Variants in SAMMSON observed in about 807,000 individuals in gnomAD.
The protein encoded by SAMMSON is survival associated mitochondrial melanoma specific oncogenic non-coding RNA, also known as long intergenic non-protein coding RNA 1212.
At chr3:70,216,044 T>C (rs1017625772) in intron 4 of SAMMSON, among the ~76,000 whole-genome samples, 1 of 152,078 alleles carries the variant, frequency 6.6e-6, no homozygotes, top group Non-Finnish European at 1.5e-5. Context: ...TACAAATAAA[T>C]TAAAATCTAT....
At chr3:70,017,118 G>A (rs2066989446) in intron 3 of SAMMSON, among the ~76,000 whole-genome samples, 1 of 152,130 alleles carries the variant, frequency 6.6e-6, no homozygotes, top group Admixed American at 6.5e-5. Flanking sequence ...TTCCAATTCT[G>A]TGAAGAAAGT....
intron 4 of SAMMSON, among the ~76,000 whole-genome samples, chr3:70,176,213 A>G (rs1228184709): frequency 6.6e-6 from 1 of 152,106 alleles, no homozygotes; most frequent in Non-Finnish European, 1.5e-5. Flanking sequence ...AGTGCTGAGG[A>G]CTAGGGGAAC....
In SAMMSON at chr3:70,346,827, T is replaced by C. The variant is rs531953930; in HGVS notation, n.740-7348T>C. The stretch of plus-strand genomic sequence containing the variant: ...AAATGTAATGTTAGTATTTTATATA[T>C]AATTGTAATCCAGTCTTAGAAAATT... On this transcript the variant is annotated intron_variant and non_coding_transcript_variant, in intron 7 of 9. Coordinates refer to ENST00000642114, the Ensembl canonical transcript of SAMMSON. Among the ~76,000 whole-genome samples, 3 of 152,330 alleles carry C rather than the reference T, an allele frequency of 2.0e-5. 1 individual carries two copies. The highest frequency in any genetic ancestry group is 7.2e-5 in the African/African-American group (3 of 41,590).
At chr3:70,304,477 C>T (rs1187730707) in intron 7 of SAMMSON, among the ~76,000 whole-genome samples, 2 of 152,154 alleles carry the variant, frequency 1.3e-5, no homozygotes, top group Non-Finnish European at 2.9e-5. Flanking sequence ...TTGGCTCCTC[C>T]CTTTTCTAGC....
At chr3:70,089,741 T>C (rs1403937893) in intron 4 of SAMMSON, among the ~76,000 whole-genome samples, 3 of 152,148 alleles carry the variant, frequency 2.0e-5, no homozygotes, top group Admixed American at 2.0e-4. Flanking sequence ...TTTCAAAAAA[T>C]ATAGTTATTC....
At chr3:70,029,350 C>G (rs551313678) in intron 3 of SAMMSON, among the ~76,000 whole-genome samples, 5 of 152,092 alleles carry the variant, frequency 3.3e-5, no homozygotes, top group African/African-American at 1.2e-4. Context: ...AATGTGGAAC[C>G]TTTTCTTAGT....
At chr3:70,252,901 G>A (rs1701782620) in intron 6 of SAMMSON, among the ~76,000 whole-genome samples, 10 of 151,946 alleles carry the variant, frequency 6.6e-5, no homozygotes, top group Admixed American at 6.6e-4. Context: ...CCAACATCGT[G>A]AAACCCCCTC....
intron 3 of SAMMSON, among the ~76,000 whole-genome samples, chr3:70,016,630 C>G (rs1451299727): frequency 6.6e-6 from 1 of 152,072 alleles, no homozygotes; most frequent in Non-Finnish European, 1.5e-5. Context: ...GTTGCCATTG[C>G]TTTTGGTGTT....
intron 4 of SAMMSON, among the ~76,000 whole-genome samples, chr3:70,219,593 G>C (rs1350771799): frequency 1.3e-5 from 2 of 152,020 alleles, no homozygotes; most frequent in Admixed American, 6.6e-5. Context: ...AAACAAATTG[G>C]GATGAAAAAC....
chr3:70,288,958 C>A (rs1294728772), intron 6 of SAMMSON, among the ~76,000 whole-genome samples: 1 of 152,036 alleles, frequency 6.6e-6, no homozygotes, highest in Non-Finnish European at 1.5e-5. Flanking sequence ...TGTGTCTCTG[C>A]ACGTGAGATG....
chr3:70,171,731 C>T (rs1700959221), intron 4 of SAMMSON, among the ~76,000 whole-genome samples: 1 of 151,824 alleles, frequency 6.6e-6, no homozygotes, highest in African/African-American at 2.4e-5. Flanking sequence ...AATTTATTCT[C>T]GTGTCCTTTA....
At chr3:70,001,792 C>T (rs1362412449) in intron 1 of SAMMSON, among the ~76,000 whole-genome samples, 1 of 152,156 alleles carries the variant, frequency 6.6e-6, no homozygotes, top group Non-Finnish European at 1.5e-5. Flanking sequence ...CAGAGTTACT[C>T]AGGATCAGAA....
At chr3:70,379,264 G>A (rs1703045355) in intron 9 of SAMMSON, among the ~76,000 whole-genome samples, 1 of 152,118 alleles carries the variant, frequency 6.6e-6, no homozygotes, top group African/African-American at 2.4e-5. Flanking sequence ...CGTCTGCCTC[G>A]GCCTCCCGAA....
chr3:70,114,572 C>G (rs897650289), intron 4 of SAMMSON, among the ~76,000 whole-genome samples: 7 of 152,200 alleles, frequency 4.6e-5, no homozygotes, highest in African/African-American at 1.7e-4. Context: ...TTTAGTTTTA[C>G]ACAACAGTGC....
chr3:70,279,095 A>C (rs960965443), intron 6 of SAMMSON, among the ~76,000 whole-genome samples: 1 of 149,724 alleles, frequency 6.7e-6, no homozygotes, highest in Non-Finnish European at 1.5e-5. Context: ...CTGACTTCCA[A>C]ATGACATACT....
At chr3:70,112,310 G>A (rs568877378) in intron 4 of SAMMSON, among the ~76,000 whole-genome samples, 2 of 152,088 alleles carry the variant, frequency 1.3e-5, no homozygotes, top group Non-Finnish European at 2.9e-5. Flanking sequence ...AACTATCAAT[G>A]TACAATTACG....
chr3:70,015,980 T>C (rs2066983298), intron 3 of SAMMSON, among the ~76,000 whole-genome samples: 1 of 152,232 alleles, frequency 6.6e-6, no homozygotes, highest in South Asian at 2.1e-4. Context: ...ACATTTGGGT[T>C]GGTTGCAAGT....
At chr3:70,374,501 T>G (rs1702996123) in intron 9 of SAMMSON, among the ~76,000 whole-genome samples, 1 of 152,178 alleles carries the variant, frequency 6.6e-6, no homozygotes, top group Non-Finnish European at 1.5e-5. Flanking sequence ...TGTATTCTAT[T>G]GACATTTGAG....
intron 6 of SAMMSON, among the ~76,000 whole-genome samples, chr3:70,250,006 T>C (rs1384792084): frequency 6.6e-6 from 1 of 152,190 alleles, no homozygotes; most frequent in Non-Finnish European, 1.5e-5. Context: ...GTGTAAAATC[T>C]AGAGAGAAGT....
Sources: allele counts gnomAD v4.1 joint callset (sites outside exome capture counted in the v4.1 genomes callset), GRCh38; gene constraint gnomAD v4.1.1; transcripts MANE v1.5; gene names NCBI Gene and HGNC (gene_info 2026-07-23, HGNC 2026-07-21).